The following TEKT5 variants were observed in gnomAD, a reference collection of about 807,000 sequenced individuals.
TEKT5 encodes tektin 5.
In TEKT5, 52 loss-of-function variants were observed where a neutral mutation model predicts 48.7. The observed-to-expected ratio is 1.07, with a 90% CI of 0.86 to 1.35. The LOEUF is 1.35. TEKT5 is among the 40% of genes most tolerant of loss of function. The probability of loss-of-function intolerance (pLI) is 0.00; values close to 1 mark genes in which losing one functional copy is unlikely to be tolerated. For missense variants in TEKT5, 831 were observed against 641.6 expected, an observed-to-expected ratio of 1.30 and a Z score of -3.19; for synonymous variants, 318 against 267.6, an observed-to-expected ratio of 1.19 and a Z score of -1.84.
chr16:10,688,226 C>T (rs1030939446), intron 3 of TEKT5, among the ~76,000 whole-genome samples: 5 of 152,190 alleles, frequency 3.3e-5, no homozygotes, highest in South Asian at 2.1e-4. Context: ...CTTCTCTGTA[C>T]ACCTCCACCC....
intron 5 of TEKT5, among the ~76,000 whole-genome samples, chr16:10,641,959 A>C (rs979015667): frequency 6.6e-6 from 1 of 152,264 alleles, no homozygotes; most frequent in Admixed American, 6.5e-5. Flanking sequence ...CAAGCTCTGA[A>C]GAAGCTCAGT....
chr16:10,653,630 C>T (rs1431867907), intron 5 of TEKT5, among the ~76,000 whole-genome samples: 1 of 152,158 alleles, frequency 6.6e-6, no homozygotes, highest in African/African-American at 2.4e-5. Flanking sequence ...ATAACTTGCC[C>T]GGCCAGGTGT....
At chr16:10,661,691 G>C (rs1431155811) in intron 5 of TEKT5, among the ~76,000 whole-genome samples, 2 of 152,184 alleles carry the variant, frequency 1.3e-5, no homozygotes, top group Non-Finnish European at 2.9e-5. Flanking sequence ...GGAGTGAGGA[G>C]AGGCCAGTGG....
At chr16:10,675,812 A>T in intron 5 of TEKT5, 147 bp downstream of exon 5, 2 of 737,768 alleles carry the variant, frequency 2.7e-6, no homozygotes, top group Non-Finnish European at 4.4e-6. Context: ...GGCCCCTTTT[A>T]GGAAGAAAAA....
At chr16:10,646,852 C>T (rs1044070468) in intron 5 of TEKT5, among the ~76,000 whole-genome samples, 1 of 152,164 alleles carries the variant, frequency 6.6e-6, no homozygotes, top group Non-Finnish European at 1.5e-5. Flanking sequence ...TAAACATTAT[C>T]CCATAAGAAT....
At chr16:10,683,139 C>T (rs1431158395) in intron 3 of TEKT5, among the ~76,000 whole-genome samples, 2 of 97,966 alleles carry the variant, frequency 2.0e-5, no homozygotes, top group Non-Finnish European at 4.0e-5. Context: ...GAAGGCTTTC[C>T]AAGGTGTCTG....
At chr16:10,677,170 A>C (rs1898661929) in intron 4 of TEKT5, among the ~76,000 whole-genome samples, 2 of 152,334 alleles carry the variant, frequency 1.3e-5, no homozygotes, top group South Asian at 4.1e-4. Context: ...CAGCCTGGGC[A>C]ACACAACAAG....
At chr16:10,640,933 G>A (rs115075805) in intron 5 of TEKT5, among the ~76,000 whole-genome samples, 2 of 152,162 alleles carry the variant, frequency 1.3e-5, no homozygotes, top group African/African-American at 4.8e-5. Context: ...GAGCTGCTAT[G>A]AATATTTGTA....
chr16:10,639,062 T>C (rs115013997), intron 5 of TEKT5, among the ~76,000 whole-genome samples: 1,945 of 152,288 alleles, frequency 0.013, 48 homozygotes, highest in African/African-American at 0.044. Flanking sequence ...CCCAACATTT[T>C]GGGAGGCCAA....
At chr16:10,669,384 G>C (rs1157370840) in intron 5 of TEKT5, among the ~76,000 whole-genome samples, 1 of 152,082 alleles carries the variant, frequency 6.6e-6, no homozygotes, top group African/African-American at 2.4e-5. Flanking sequence ...GCTTGAACCT[G>C]GCAGGCGGAG....
At chr16:10,632,826 G>A (rs1897856892) in intron 6 of TEKT5, among the ~76,000 whole-genome samples, 1 of 150,494 alleles carries the variant, frequency 6.6e-6, no homozygotes, top group Admixed American at 6.7e-5. Context: ...CAATTCCGAA[G>A]ACAGCCATGC....
At chr16:10,669,169 T>A (rs1345360951) in intron 5 of TEKT5, among the ~76,000 whole-genome samples, 1 of 152,118 alleles carries the variant, frequency 6.6e-6, no homozygotes, top group African/African-American at 2.4e-5. Context: ...ACAACCGAAA[T>A]GCTTATCAAC....
intron 5 of TEKT5, among the ~76,000 whole-genome samples, chr16:10,667,158 G>GT (rs993795100): frequency 1.3e-5 from 2 of 151,698 alleles, no homozygotes; most frequent in Non-Finnish European, 2.9e-5. Context: ...TAATTTTTAT[G>GT]TTTTTTGTAG....
chr16:10,673,811 C>T (rs1335183609), intron 5 of TEKT5, among the ~76,000 whole-genome samples: 1 of 151,850 alleles, frequency 6.6e-6, no homozygotes, highest in East Asian at 1.9e-4. Flanking sequence ...CCACTATGCC[C>T]AGCTGATTTT....
rs779377809 is a variant in TEKT5, at chr16:10,694,752, A to G, written c.122T>C (p.Leu41Pro). 3 of 1,614,152 alleles carry G rather than the reference A, an allele frequency of 1.9e-6. No homozygotes were observed. The South Asian group carries it at 3.3e-5, about 18-fold the overall frequency. ...VIQECYQPYY[L>P]PGYRYLNSWR... is the part of the protein sequence containing the mutation. ...TGAATTGAGGTAGCGGTACCCGGGC[A>G]GGTAGTAGGGCTGATAGCATTCCTG... Residue 41 changes from leucine (L) to proline (P), a missense_variant, in exon 1 of 7, where the codon CTG becomes CCG. By Grantham distance (98) the Leu-to-Pro change is moderately conservative. Coordinates refer to ENST00000283025, the MANE Select transcript of TEKT5 (RefSeq NM_144674.2).
chr16:10,627,526 T>C lies in TEKT5; in HGVS notation c.*57A>G. On this transcript the variant is annotated 3_prime_UTR_variant, in exon 7 of 7. Transcript: ENST00000283025. ...TTTCAAACAAAATACTGTTTTACTT[T>C]GTTTCTCAGCCTTTTCCAATTTTAC... 6.4e-7 allele frequency: 1 copy of C among 1,574,656 alleles called. No homozygotes were observed. Among genetic ancestry groups the C allele is most frequent in the Non-Finnish European group, 8.7e-7 (1 of 1,146,920 alleles).
At chr16:10,691,218 C>G (rs180887218) in intron 1 of TEKT5, 1 of 152,372 alleles carries the variant, frequency 6.6e-6, no homozygotes, top group Admixed American at 6.5e-5. Context: ...AGTCCCAGCT[C>G]CTCAGGAGGC....
chr16:10,640,357 T>G (rs1002023333), intron 5 of TEKT5, among the ~76,000 whole-genome samples: 5 of 152,126 alleles, frequency 3.3e-5, no homozygotes, highest in African/African-American at 1.2e-4. Context: ...AAAGTGATCC[T>G]GCCGCCTCAA....
chr16:10,691,457 AAGG>A (rs1338161685), intron 1 of TEKT5: 1 of 152,582 alleles, frequency 6.6e-6, no homozygotes, highest in Non-Finnish European at 1.5e-5. Flanking sequence ...TAAGGAGGAG[AAGG>A]ACTGTGTCAT....
Sources: allele counts gnomAD v4.1 joint callset (sites outside exome capture counted in the v4.1 genomes callset), GRCh38; gene constraint gnomAD v4.1.1; transcripts MANE v1.5; gene names NCBI Gene and HGNC (gene_info 2026-07-23, HGNC 2026-07-21).